The following PABPC4L variants were observed in gnomAD, a reference collection of about 807,000 sequenced individuals.
The protein encoded by PABPC4L is poly(A) binding protein cytoplasmic 4 like, also known as polyadenylate-binding protein 4-like.
For synonymous variants in PABPC4L, 169 were observed against 164.1 expected, an observed-to-expected ratio of 1.03 and a Z score of -0.23; for missense variants, 452 against 451.4, an observed-to-expected ratio of 1.00 and a Z score of -0.01.
At chr4:134,073,899 G>T in the PABPC4L span, among the ~76,000 whole-genome samples, 1 of 152,116 alleles carries the variant, frequency 6.6e-6, no homozygotes, top group Non-Finnish European at 1.5e-5. Context: ...ACCATGTCCC[G>T]AGGCTGCACA....
At chr4:134,144,810 A>G in the PABPC4L span, among the ~76,000 whole-genome samples, 1 of 151,690 alleles carries the variant, frequency 6.6e-6, no homozygotes, top group Non-Finnish European at 1.5e-5. Flanking sequence ...TTAATCTAAA[A>G]TGCATTTTTT....
the PABPC4L span, among the ~76,000 whole-genome samples, chr4:134,060,922 G>A: frequency 6.6e-6 from 1 of 152,008 alleles, no homozygotes; most frequent in African/African-American, 2.4e-5. Context: ...CCAGAGGCTG[G>A]GAAGGATAGT....
chr4:134,197,923 TTTTAACC>T lies in PABPC4L; in HGVS notation c.*1977_*1983del, dbSNP rs1307636784. 1 of 151,836 alleles carries T rather than the reference TTTTAACC, an allele frequency of 6.6e-6. No homozygotes were observed. The highest frequency in any genetic ancestry group is 2.4e-5 in the African/African-American group (1 of 41,450). 9.4% of individuals were successfully genotyped at this position (151,836 alleles called of 1,614,324 possible). ...AAATTACTTTTTAAAATTGATTCTT[TTTTAACC>T]ATTAATTCTACTTCTAAACATTTTC... On this transcript the variant is annotated 3_prime_UTR_variant, in exon 2 of 2. Coordinates refer to ENST00000421491, the MANE Select transcript of PABPC4L (RefSeq NM_001114734.2).
the PABPC4L span, among the ~76,000 whole-genome samples, chr4:134,146,662 A>G: frequency 6.6e-6 from 1 of 152,088 alleles, no homozygotes; most frequent in African/African-American, 2.4e-5. Flanking sequence ...TTATTGGGTG[A>G]CAGAAAGAAA....
chr4:134,024,641 T>C, the PABPC4L span, among the ~76,000 whole-genome samples: 1 of 152,052 alleles, frequency 6.6e-6, no homozygotes, highest in Non-Finnish European at 1.5e-5. Context: ...TCTAGTGATA[T>C]TGGGGGTTAT....
chr4:134,112,594 CTAT>C, the PABPC4L span, among the ~76,000 whole-genome samples: 1 of 151,402 alleles, frequency 6.6e-6, no homozygotes, highest in Non-Finnish European at 1.5e-5. Flanking sequence ...ATCTATCTAT[CTAT>C]CTATCTATCT....
chr4:134,069,190 G>A, the PABPC4L span, among the ~76,000 whole-genome samples: 7 of 152,098 alleles, frequency 4.6e-5, no homozygotes, highest in African/African-American at 1.7e-4. Flanking sequence ...TGAAAGGTCT[G>A]CTGTTACCCT....
At chr4:133,965,088 G>T in the PABPC4L span, among the ~76,000 whole-genome samples, 1 of 152,170 alleles carries the variant, frequency 6.6e-6, no homozygotes, top group Middle Eastern at 3.4e-3. Context: ...TCTCCAGAAA[G>T]CTCCTAGAAC....
chr4:134,110,860 A>G, the PABPC4L span, among the ~76,000 whole-genome samples: 2 of 151,886 alleles, frequency 1.3e-5, no homozygotes, highest in Non-Finnish European at 2.9e-5. Flanking sequence ...TTCGAATACA[A>G]TTTTATTTTT....
chr4:134,045,436 C>G, the PABPC4L span, among the ~76,000 whole-genome samples: 1 of 152,142 alleles, frequency 6.6e-6, no homozygotes. Flanking sequence ...TACCAATGCT[C>G]TCTTTTCTTT....
chr4:134,121,592 G>A, the PABPC4L span, among the ~76,000 whole-genome samples: 1 of 151,632 alleles, frequency 6.6e-6, no homozygotes, highest in Non-Finnish European at 1.5e-5. Flanking sequence ...TACCTGAGAT[G>A]TTTTCACTAT....
At chr4:133,997,259 A>G in the PABPC4L span, among the ~76,000 whole-genome samples, 1 of 152,188 alleles carries the variant, frequency 6.6e-6, no homozygotes, top group Non-Finnish European at 1.5e-5. Flanking sequence ...ATGTTTTGTG[A>G]AGAATACATG....
At chr4:134,141,800 A>C in the PABPC4L span, among the ~76,000 whole-genome samples, 1 of 151,730 alleles carries the variant, frequency 6.6e-6, no homozygotes, top group East Asian at 1.9e-4. Flanking sequence ...GGCCATGTCA[A>C]AAGGTCATCA....
At chr4:134,186,870 A>C in the PABPC4L span, among the ~76,000 whole-genome samples, 1 of 152,180 alleles carries the variant, frequency 6.6e-6, no homozygotes, top group South Asian at 2.1e-4. Context: ...ACCCCATCAA[A>C]AAGTGGGCAA....
At chr4:134,146,549 A>C in the PABPC4L span, among the ~76,000 whole-genome samples, 2,349 of 152,128 alleles carry the variant, frequency 0.015, 50 homozygotes, top group African/African-American at 0.053. Context: ...GGAGTGTTAC[A>C]GATCTTTTGC....
At chr4:134,176,203 T>A in the PABPC4L span, among the ~76,000 whole-genome samples, 2 of 152,114 alleles carry the variant, frequency 1.3e-5, no homozygotes, top group African/African-American at 4.8e-5. Context: ...TGTGAAGGTA[T>A]TAAATTTTTA....
At chr4:134,144,337 C>A in the PABPC4L span, among the ~76,000 whole-genome samples, 1 of 151,516 alleles carries the variant, frequency 6.6e-6, no homozygotes, top group South Asian at 2.1e-4. Flanking sequence ...GAAATACAAT[C>A]TTTACTTGGA....
the PABPC4L span, among the ~76,000 whole-genome samples, chr4:134,012,988 T>G: frequency 6.6e-6 from 1 of 152,136 alleles, no homozygotes; most frequent in Non-Finnish European, 1.5e-5. Flanking sequence ...GTTTAATCAT[T>G]GCAGGGACAC....
the PABPC4L span, among the ~76,000 whole-genome samples, chr4:134,130,261 A>G: frequency 1.3e-5 from 2 of 152,048 alleles, no homozygotes; most frequent in Non-Finnish European, 2.9e-5. Context: ...TTGAAAAATT[A>G]ATTAAAATTG....
Sources: allele counts gnomAD v4.1 joint callset (sites outside exome capture counted in the v4.1 genomes callset), GRCh38; gene constraint gnomAD v4.1.1; transcripts MANE v1.5; gene names NCBI Gene and HGNC (gene_info 2026-07-23, HGNC 2026-07-21).